The following TRIP13 variants were observed in gnomAD, a reference collection of about 807,000 sequenced individuals.
TRIP13 encodes the protein thyroid hormone receptor interactor 13.
TRIP13 carries 25 observed loss-of-function variants against 54.4 expected under a neutral mutation model. That is an observed-to-expected ratio of 0.46 (90% confidence interval 0.33 to 0.64). The LOEUF is 0.64. Ranked by LOEUF, TRIP13 falls within the 30% of genes least tolerant of loss-of-function variation. The pLI is 0.02. For missense variants in TRIP13, 373 were observed against 534.2 expected, an observed-to-expected ratio of 0.70 and a Z score of 2.97; for synonymous variants, 207 against 207.8, an observed-to-expected ratio of 1.00 and a Z score of 0.03.
chr5:894,332 C>T (rs1753837294), intron 1 of TRIP13, among the ~76,000 whole-genome samples: 1 of 152,078 alleles, frequency 6.6e-6, no homozygotes, highest in South Asian at 2.1e-4. Context: ...CCAAGGGAAG[C>T]CCTGGATACC....
rs970504174 is a variant in TRIP13, at chr5:913,423, G to A, written c.1021-1042G>A. 6.6e-6 allele frequency among the ~76,000 whole-genome samples: 1 copy of A among 152,074 alleles called. No individual in the cohort carries two copies. ...AGAGCTGGAGTACAGTGGTGCCATCGCAGCTCACTGCAACCTCCGCCTCCT... is the reference window on the plus strand; with the variant it reads ...AGAGCTGGAGTACAGTGGTGCCATCACAGCTCACTGCAACCTCCGCCTCCT... On this transcript the variant is annotated intron_variant, in intron 10 of 12. Coordinates refer to ENST00000166345, the MANE Select transcript of TRIP13 (RefSeq NM_004237.4). This position sits in a 1 kb window ranked among gnomAD's most constrained non-coding sequence, Gnocchi z 4.5.
At chr5:900,426 A>G (rs964852429) in intron 3 of TRIP13, 68 bp from the exon 4 acceptor site, 4 of 1,515,862 alleles carry the variant, frequency 2.6e-6, no homozygotes, top group African/African-American at 1.4e-5. Flanking sequence ...GGCTCAGGGG[A>G]GACTGACTGG....
At chr5:900,944 T>C (rs570980918) in intron 4 of TRIP13, among the ~76,000 whole-genome samples, 1 of 152,034 alleles carries the variant, frequency 6.6e-6, no homozygotes, top group African/African-American at 2.4e-5. Context: ...TCTGCATTGA[T>C]AGTCTGAGAC....
At chr5:902,637 C>T (rs1182654801) in intron 5 of TRIP13, among the ~76,000 whole-genome samples, 1 of 151,956 alleles carries the variant, frequency 6.6e-6, no homozygotes, top group Non-Finnish European at 1.5e-5. Context: ...TGTGCAAAGA[C>T]GAGAGAGTGT....
chr5:915,825 C>A lies in TRIP13; in HGVS notation c.1134-79C>A. ...CCTCGGCTTGTGTTCCCAGGGATGC[C>A]TCGGCCAATGAGGAAAATTAGTCCT... On this transcript the variant is annotated intron_variant, in intron 11 of 12. Transcript: ENST00000166345. This position sits in a 1 kb window ranked among gnomAD's most constrained non-coding sequence, Gnocchi z 4.2. 1 of 1,515,894 alleles carries A rather than the reference C, an allele frequency of 6.6e-7. No homozygotes were observed. Among genetic ancestry groups the A allele is most frequent in the Non-Finnish European group, 9.2e-7 (1 of 1,091,820 alleles). The allele number at this position is 1,515,894 out of a possible 1,614,324, so 93.9% of individuals were successfully genotyped here. A position where few individuals can be genotyped will look rare whatever the true frequency, so the allele number is the denominator to read the frequency against.
chr5:909,097 G>T (rs931351431), intron 9 of TRIP13, among the ~76,000 whole-genome samples: 4 of 152,218 alleles, frequency 2.6e-5, no homozygotes, highest in African/African-American at 9.6e-5. Flanking sequence ...GCACCAACTA[G>T]TGCTGCTCGT....
rs752105824 is a variant in TRIP13, at chr5:893,107, C to A, written c.92+17C>A. ...CGGCAGCAGGTGAGCCGGACCTGTC[C>A]GACACATCCTCTGGGCACCCACCCG... On this transcript the variant is annotated intron_variant, in intron 1 of 12. Coordinates refer to ENST00000166345, the MANE Select transcript of TRIP13 (RefSeq NM_004237.4). 6.3e-7 allele frequency: 1 copy of A among 1,575,086 alleles called. No individual in the cohort carries two copies. Among genetic ancestry groups the A allele is most frequent in the East Asian group, 2.3e-5 (1 of 43,602 alleles).
At chr5:906,286 T>A (rs1414879549) in intron 6 of TRIP13, among the ~76,000 whole-genome samples, 1 of 151,696 alleles carries the variant, frequency 6.6e-6, no homozygotes, top group Non-Finnish European at 1.5e-5. Flanking sequence ...TACAAAGATC[T>A]GGAAATATGC....
chr5:896,919 C>A, intron 3 of TRIP13, 125 bp downstream of exon 3: 1 of 1,170,506 alleles, frequency 8.5e-7, no homozygotes, highest in Non-Finnish European at 1.2e-6. Flanking sequence ...GATGTTTTCT[C>A]TCTTATGAAA....
chr5:916,090 C>T (rs931779189), intron 12 of TRIP13, 117 bp downstream of exon 12: 97 of 1,115,548 alleles, frequency 8.7e-5, no homozygotes, highest in Middle Eastern at 2.8e-4. Flanking sequence ...TTCTAAACCA[C>T]AGGGTCCTGG....
intron 1 of TRIP13, 97 bp downstream of exon 1, chr5:893,187 G>A: frequency 1.6e-6 from 2 of 1,226,294 alleles, no homozygotes; most frequent in Non-Finnish European, 2.3e-6. Context: ...ATTCTGATGC[G>A]ACCGAACCCC....
Position 908,585 on chromosome 5 carries a change from A to AT in TRIP13, c.866+126dup, listed in dbSNP as rs1424946044. 1 of 1,511,876 alleles carries AT rather than the reference A, an allele frequency of 6.6e-7. No individual in the cohort carries two copies. Among genetic ancestry groups the AT allele is most frequent in the Non-Finnish European group, 8.9e-7 (1 of 1,127,730 alleles). 93.7% of individuals were successfully genotyped at this position (1,511,876 alleles called of 1,614,324 possible). A position where few individuals can be genotyped will look rare whatever the true frequency, so the allele number is the denominator to read the frequency against. ...TCTTTCACCGGAAAGTGCATTTGGC[A>AT]TTGAGTATCGACTCCTTTTCCACAT... is the stretch of plus-strand genomic sequence containing the variant. On this transcript the variant is annotated intron_variant, in intron 9 of 12. Transcript: ENST00000166345. The surrounding 1 kb of genome is among the most constrained non-coding windows in gnomAD (Gnocchi z 5.2).
At position 912,529 on chromosome 5, in the gene TRIP13, G is replaced by A. The variant is rs776598461; in HGVS notation, c.1020+533G>A. ...TGTGAGTCAGGAAGGCCGTCGCCAC[G>A]GGCAGAGCGACGCGTGCGGGGAGCG... is the stretch of plus-strand genomic sequence containing the variant. On this transcript the variant is annotated intron_variant, in intron 10 of 12. Coordinates refer to ENST00000166345, the MANE Select transcript of TRIP13 (RefSeq NM_004237.4). This position sits in a 1 kb window ranked among gnomAD's most constrained non-coding sequence, Gnocchi z 7.2. Among the ~76,000 whole-genome samples, 1 of 151,964 alleles carries A rather than the reference G, an allele frequency of 6.6e-6. No homozygotes were observed. The highest frequency in any genetic ancestry group is 1.5e-5 in the Non-Finnish European group (1 of 67,996).
At chr5:916,057 T>C (rs1754334896) in intron 12 of TRIP13, 84 bp downstream of exon 12, 1 of 1,363,874 alleles carries the variant, frequency 7.3e-7, no homozygotes, top group East Asian at 2.3e-5. Flanking sequence ...AGCCCTGGGG[T>C]ATCAGCCTCA....
At chr5:894,703 T>G (rs1753870718) in intron 1 of TRIP13, 84 bp from the exon 2 acceptor site, 1 of 1,461,718 alleles carries the variant, frequency 6.8e-7, no homozygotes, top group Non-Finnish European at 9.1e-7. Flanking sequence ...TCTTATGTAT[T>G]GTCTGAGTTT....
At chr5:901,196 T>C in intron 4 of TRIP13, 145 bp from the exon 5 acceptor site, 1 of 585,650 alleles carries the variant, frequency 1.7e-6, no homozygotes, top group East Asian at 2.9e-5. Flanking sequence ...ATGAAAGCGT[T>C]TGGAGGTGAT....
intron 3 of TRIP13, 49 bp from the exon 4 acceptor site, chr5:900,445 G>A: frequency 1.2e-6 from 2 of 1,603,254 alleles, no homozygotes; most frequent in Non-Finnish European, 8.5e-7. Context: ...GGGGGTGGCT[G>A]TAATTGCTTG....
rs776607061 is a variant in TRIP13 at position 914,506 on chromosome 5, A to T, written c.1062A>T (p.Arg354=). 1 of 1,613,486 alleles carries T rather than the reference A, an allele frequency of 6.2e-7. No homozygotes were observed. Among genetic ancestry groups the T allele is most frequent in the African/African-American group, 1.3e-5 (1 of 74,892 alleles). The change falls in exon 11 of 13, where the codon CGA becomes CGT. Residue 354 remains arginine (R), a synonymous_variant. Coordinates refer to ENST00000166345, the MANE Select transcript of TRIP13 (RefSeq NM_004237.4). ...CTCGCCAGCAGCTGCTGACCCTCCG[A>T]GAGCTAGAGATGATTGGCTTCATTG... ...IYPRQQLLTL[R]ELEMIGFIEN...
downstream of TRIP13, chr5:918,131 G>A (rs919454670): frequency 6.6e-6 from 1 of 152,200 alleles, no homozygotes; most frequent in Non-Finnish European, 1.5e-5. The surrounding 1 kb of genome is among the most constrained non-coding windows in gnomAD (Gnocchi z 4.3). Flanking sequence ...CTTTAAGCCT[G>A]ATTTATGGTG....
Sources: allele counts gnomAD v4.1 joint callset (sites outside exome capture counted in the v4.1 genomes callset), GRCh38; gene constraint gnomAD v4.1.1; non-coding constraint Gnocchi (gnomAD v3.1); transcripts MANE v1.5; gene names NCBI Gene and HGNC (gene_info 2026-07-23, HGNC 2026-07-21).